Variants in ACMSD observed in about 807,000 individuals in gnomAD.
ACMSD encodes 2-amino-3-carboxymuconate-6-semialdehyde decarboxylase.
Under a neutral mutation model 45.9 loss-of-function variants are expected in ACMSD, and 37 were observed. The ratio of observed to expected loss-of-function variants is 0.81; its 90% CI spans 0.62 to 1.06. The LOEUF (loss-of-function observed/expected upper bound fraction) is 1.06, where lower values mean the gene tolerates loss of function less well. Ranked by LOEUF, ACMSD falls within the 50% of genes least tolerant of loss-of-function variation. The pLI, the probability that ACMSD is intolerant of heterozygous loss-of-function variation, is 0.00. For synonymous variants in ACMSD, 138 were observed against 148.8 expected (o/e 0.93, Z 0.53); for missense variants, 434 against 420.9 (o/e 1.03, Z -0.27).
At chr2:134,848,571 G>A (rs1257017266) in intron 2 of ACMSD, among the ~76,000 whole-genome samples, 1 of 152,036 alleles carries the variant, frequency 6.6e-6, no homozygotes, top group Non-Finnish European at 1.5e-5. Context: ...GCACATAAAT[G>A]TCTTCTTTTG....
intron 4 of ACMSD, 88 bp from the exon 5 acceptor site, chr2:134,863,302 AATATT>A: frequency 8.0e-7 from 1 of 1,253,918 alleles, no homozygotes; most frequent in Non-Finnish European, 1.1e-6. Context: ...GAAAATGACA[AATATT>A]ATAGCCATGA....
At chr2:134,880,761 C>A (rs546612756) in intron 8 of ACMSD, among the ~76,000 whole-genome samples, 6 of 152,248 alleles carry the variant, frequency 3.9e-5, no homozygotes, top group African/African-American at 1.4e-4. Context: ...ATGCTTTCCT[C>A]ATGTGTCTAT....
intron 8 of ACMSD, among the ~76,000 whole-genome samples, chr2:134,885,279 TA>T (rs1480018473): frequency 1.6e-5 from 1 of 63,608 alleles, no homozygotes; most frequent in Admixed American, 2.9e-4. Flanking sequence ...ATATATATAT[TA>T]TATATTATAT....
intron 3 of ACMSD, 83 bp downstream of exon 3, chr2:134,859,440 T>C (rs1687745456): frequency 5.3e-6 from 7 of 1,325,790 alleles, no homozygotes; most frequent in Admixed American, 3.7e-5. Flanking sequence ...CTTTATGTGA[T>C]GGTAACTTCT....
Position 134,872,600 on chromosome 2 carries a change from G to C in ACMSD, c.808G>C (p.Asp270His), listed in dbSNP as rs752419666. The C allele has an allele frequency of 2.0e-5, 32 of 1,614,032 alleles. No homozygotes were observed. Among genetic ancestry groups the C allele is most frequent in the Non-Finnish European group, 2.5e-5 (30 of 1,180,040 alleles). Residue 270 changes from aspartate (D) to histidine (H), a missense_variant, in exon 8 of 10, where the codon GAT (aspartate) becomes CAT (histidine). By Grantham distance (81) the Asp-to-His change is moderately conservative (BLOSUM62 -1). Transcript: ENST00000356140. ...CTTTTACACAGATGCTTTGGTTCATGATCCTCTGTCCCTCAAGCTGTTAAC... is the reference window on the plus strand; with the variant it reads ...CTTTTACACAGATGCTTTGGTTCATCATCCTCTGTCCCTCAAGCTGTTAAC... ...GSFYTDALVHDPLSLKLLTDV... is the reference protein window; with the variant it reads ...GSFYTDALVHHPLSLKLLTDV...
At chr2:134,850,891 A>G (rs1687310369) in intron 2 of ACMSD, among the ~76,000 whole-genome samples, 1 of 152,154 alleles carries the variant, frequency 6.6e-6, no homozygotes, top group Admixed American at 6.5e-5. Context: ...CCCGCCACCC[A>G]GTTAGTGAGC....
At chr2:134,890,414 G>C (rs1689709063) in intron 8 of ACMSD, among the ~76,000 whole-genome samples, 1 of 151,878 alleles carries the variant, frequency 6.6e-6, no homozygotes, top group Admixed American at 6.6e-5. Context: ...AAGGCCAACT[G>C]ATCCAAATTA....
At chr2:134,855,545 G>A (rs1424571898) in intron 2 of ACMSD, among the ~76,000 whole-genome samples, 1 of 152,216 alleles carries the variant, frequency 6.6e-6, no homozygotes, top group African/African-American at 2.4e-5. Context: ...CACGACTGCT[G>A]CAGGAGATTC....
chr2:134,850,950 C>T (rs564513919), intron 2 of ACMSD, among the ~76,000 whole-genome samples: 1 of 152,312 alleles, frequency 6.6e-6, no homozygotes, highest in South Asian at 2.1e-4. Flanking sequence ...TCTCCTCCCT[C>T]CTGGCCCCCT....
At chr2:134,872,675 G>A (rs768905712) in intron 8 of ACMSD, 34 bp downstream of exon 8, 19 of 1,611,530 alleles carry the variant, frequency 1.2e-5, no homozygotes, top group Non-Finnish European at 1.3e-5. Context: ...TGGCTTATGG[G>A]GAGCAGAATG....
At chr2:134,864,467 A>ACAC (rs1157682781) in intron 5 of ACMSD, among the ~76,000 whole-genome samples, 1 of 152,208 alleles carries the variant, frequency 6.6e-6, no homozygotes, top group Non-Finnish European at 1.5e-5. Flanking sequence ...TCTATATTTT[A>ACAC]ATGAACCTGA....
intron 6 of ACMSD, among the ~76,000 whole-genome samples, chr2:134,868,451 C>CTTTTTTTTTTTTTTT (rs1170969126): frequency 8.1e-6 from 1 of 124,210 alleles, no homozygotes. Flanking sequence ...ATATTTTTTT[C>CTTTTTTTTTTTTTTT]TTTTTTTTTT....
At chr2:134,898,746 A>G (rs922237859) in intron 9 of ACMSD, among the ~76,000 whole-genome samples, 5 of 152,136 alleles carry the variant, frequency 3.3e-5, no homozygotes, top group African/African-American at 1.2e-4. Flanking sequence ...TTTTTTCTAT[A>G]TTACTTCTGT....
At chr2:134,847,721 G>C (rs1172773987) in intron 2 of ACMSD, among the ~76,000 whole-genome samples, 1 of 152,094 alleles carries the variant, frequency 6.6e-6, no homozygotes, top group Non-Finnish European at 1.5e-5. Flanking sequence ...TTGGTTTTCT[G>C]TTCCTGTGTT....
chr2:134,838,680 G>T lies in ACMSD; in HGVS notation c.-3G>T. ...CCTTGCATGCTTCTCTGATCCTGTG[G>T]AGATGAAAATTGACATCCATAGTCA... On this transcript the variant is annotated 5_prime_UTR_variant, in exon 1 of 10. Coordinates refer to ENST00000356140, the MANE Select transcript of ACMSD (RefSeq NM_138326.3). The T allele has an allele frequency of 6.2e-7, 1 of 1,606,740 alleles. No homozygotes were observed. The highest frequency in any genetic ancestry group is 8.5e-7 in the Non-Finnish European group (1 of 1,176,358).
intron 8 of ACMSD, among the ~76,000 whole-genome samples, chr2:134,874,378 C>A (rs1175675356): frequency 6.6e-6 from 1 of 152,162 alleles, no homozygotes; most frequent in Non-Finnish European, 1.5e-5. Context: ...ATTTAGGATT[C>A]TTTTTAAAAT....
intron 1 of ACMSD, among the ~76,000 whole-genome samples, chr2:134,839,016 A>G (rs1351708543): frequency 1.3e-5 from 2 of 152,204 alleles, no homozygotes; most frequent in East Asian, 3.8e-4. Context: ...AATAAGGCAG[A>G]TTTACCTTTT....
intron 8 of ACMSD, among the ~76,000 whole-genome samples, chr2:134,895,355 T>C (rs1444192989): frequency 6.8e-6 from 1 of 146,424 alleles, no homozygotes; most frequent in Non-Finnish European, 1.5e-5. Flanking sequence ...ATATAACATA[T>C]ATAATATATA....
At chr2:134,883,055 G>T (rs1393234975) in intron 8 of ACMSD, among the ~76,000 whole-genome samples, 2 of 152,224 alleles carry the variant, frequency 1.3e-5, no homozygotes, top group African/African-American at 4.8e-5. Context: ...GCCAGCACCT[G>T]TCCAGAAGGT....
Sources: allele counts gnomAD v4.1 joint callset (sites outside exome capture counted in the v4.1 genomes callset), GRCh38; gene constraint gnomAD v4.1.1; transcripts MANE v1.5; gene names NCBI Gene and HGNC (gene_info 2026-07-23, HGNC 2026-07-21).